Variants in CFAP299 observed in about 807,000 individuals in gnomAD.
CFAP299 encodes cilia- and flagella-associated protein 299.
In CFAP299, 21 loss-of-function variants were observed where a neutral mutation model predicts 27.0. The ratio of observed to expected loss-of-function variants is 0.78; its 90% CI spans 0.55 to 1.12. CFAP299 has a LOEUF of 1.12. Ranked by LOEUF, CFAP299 falls within the 50% of genes most tolerant of loss-of-function variation. The probability of loss-of-function intolerance (pLI) is 0.00; values close to 1 mark genes in which losing one functional copy is unlikely to be tolerated. For missense variants in CFAP299, 310 were observed against 276.6 expected (o/e 1.12, Z -0.86); for synonymous variants, 104 against 98.1 (o/e 1.06, Z -0.36).
At chr4:80,625,044 A>G (rs1738812389) in intron 3 of CFAP299, among the ~76,000 whole-genome samples, 2 of 152,152 alleles carry the variant, frequency 1.3e-5, no homozygotes. Flanking sequence ...AAAACACCTG[A>G]AAGTATAAAA....
intron 3 of CFAP299, among the ~76,000 whole-genome samples, chr4:80,805,263 C>A (rs1295150495): frequency 5.9e-5 from 9 of 151,886 alleles, no homozygotes; most frequent in Admixed American, 1.3e-4. Flanking sequence ...AAAGTCACTT[C>A]TACAAATTTT....
At chr4:80,456,442 T>C (rs937385332) in intron 2 of CFAP299, among the ~76,000 whole-genome samples, 1 of 152,002 alleles carries the variant, frequency 6.6e-6, no homozygotes, top group African/African-American at 2.4e-5. Flanking sequence ...GAAGTTCTGC[T>C]TGGACTAGGA....
intron 3 of CFAP299, among the ~76,000 whole-genome samples, chr4:80,624,010 T>C (rs1333306128): frequency 6.6e-6 from 1 of 152,166 alleles, no homozygotes; most frequent in Non-Finnish European, 1.5e-5. Flanking sequence ...TATTGCATAT[T>C]TTCTCAGAAA....
chr4:80,843,844 T>C (rs1731007297), intron 3 of CFAP299, among the ~76,000 whole-genome samples: 2 of 152,144 alleles, frequency 1.3e-5, no homozygotes, highest in African/African-American at 4.8e-5. Context: ...ATGTGCCATG[T>C]TGGTGCGCCG....
At chr4:80,471,450 G>A (rs1167910909) in intron 2 of CFAP299, among the ~76,000 whole-genome samples, 1 of 150,886 alleles carries the variant, frequency 6.6e-6, no homozygotes, top group African/African-American at 2.4e-5. Flanking sequence ...AAAGTCTTTG[G>A]CAGGAAAGAT....
chr4:80,934,055 G>A (rs1479937971), intron 4 of CFAP299, among the ~76,000 whole-genome samples: 2 of 152,182 alleles, frequency 1.3e-5, no homozygotes, highest in South Asian at 4.1e-4. Flanking sequence ...TATGATGCTA[G>A]CTGTAGATTT....
intron 4 of CFAP299, among the ~76,000 whole-genome samples, chr4:80,935,964 C>T (rs1736867559): frequency 6.6e-6 from 1 of 152,082 alleles, no homozygotes; most frequent in East Asian, 1.9e-4. Flanking sequence ...TGAAGAAAAG[C>T]TCAACATCAC....
chr4:80,360,385 G>A (rs1031007861), intron 1 of CFAP299, among the ~76,000 whole-genome samples: 10 of 152,126 alleles, frequency 6.6e-5, no homozygotes, highest in African/African-American at 2.4e-4. Context: ...TACACGTCTA[G>A]GTGCCTTCTC....
chr4:80,752,497 T>G (rs903081018), intron 3 of CFAP299, among the ~76,000 whole-genome samples: 9 of 148,902 alleles, frequency 6.0e-5, no homozygotes, highest in Admixed American at 2.0e-4. Flanking sequence ...ATGATATGTA[T>G]TTTTCTTCCT....
rs575771861 is a variant in CFAP299 at position 80,892,804 on chromosome 4, C to T, written c.476+22669C>T. Among the ~76,000 whole-genome samples, 34 of 152,028 alleles carry T rather than the reference C, an allele frequency of 2.2e-4. No homozygotes were observed. In the South Asian group the frequency reaches 6.7e-3, roughly 30 times the overall value. On this transcript the variant is annotated intron_variant, in intron 4 of 5. Coordinates refer to ENST00000358105, the MANE Select transcript of CFAP299 (RefSeq NM_152770.3). ...TGGCGAAAAACCGAAAGCTTTTCCT[C>T]CAAGATAAGTATTAAGACAAGAATG...
At chr4:80,423,369 A>C (rs982465813) in intron 2 of CFAP299, among the ~76,000 whole-genome samples, 1 of 152,254 alleles carries the variant, frequency 6.6e-6, no homozygotes, top group Non-Finnish European at 1.5e-5. Context: ...AAATAAGTAA[A>C]GTATAATATA....
intron 3 of CFAP299, among the ~76,000 whole-genome samples, chr4:80,687,645 GCTGT>G (rs1182842333): frequency 6.6e-6 from 1 of 152,158 alleles, no homozygotes. Flanking sequence ...TCATCTGAAG[GCTGT>G]CTAAAACACA....
chr4:80,476,942 T>C (rs571971141), intron 2 of CFAP299, among the ~76,000 whole-genome samples: 8 of 136,352 alleles, frequency 5.9e-5, no homozygotes, highest in Non-Finnish European at 1.2e-4. Context: ...TGTGTGTGTG[T>C]GCGTGTGTGT....
chr4:80,431,486 C>T lies in CFAP299; in HGVS notation c.242+68602C>T, dbSNP rs183676313. On this transcript the variant is annotated intron_variant, in intron 2 of 5. Transcript: ENST00000358105. ...CCTCCCTCACTCCTTCCCTTCTTTCCGTTTCCTCCTCCTCCTCCTCCTGTT... is the reference window on the plus strand; with the variant it reads ...CCTCCCTCACTCCTTCCCTTCTTTCTGTTTCCTCCTCCTCCTCCTCCTGTT... Among the ~76,000 whole-genome samples the T allele has an allele frequency of 4.7e-3, 716 of 151,232 alleles. 3 individuals carry two copies. Among genetic ancestry groups the T allele is most frequent in the Middle Eastern group, 0.014 (4 of 292 alleles).
At chr4:80,646,933 T>A (rs546800988) in intron 3 of CFAP299, among the ~76,000 whole-genome samples, 1 of 152,066 alleles carries the variant, frequency 6.6e-6, no homozygotes, top group East Asian at 1.9e-4. Context: ...AAAAATATGT[T>A]TGAAACTAGG....
At chr4:80,721,566 T>A (rs974341836) in intron 3 of CFAP299, among the ~76,000 whole-genome samples, 3 of 152,156 alleles carry the variant, frequency 2.0e-5, no homozygotes, top group African/African-American at 7.2e-5. Context: ...AAGTACTCTA[T>A]CTCTAAATAC....
intron 2 of CFAP299, among the ~76,000 whole-genome samples, chr4:80,447,176 C>T (rs1201674723): frequency 7.5e-6 from 1 of 133,206 alleles, no homozygotes; most frequent in Non-Finnish European, 1.5e-5. Context: ...CGCTCTGTCA[C>T]CCAGGCTGGA....
intron 3 of CFAP299, among the ~76,000 whole-genome samples, chr4:80,867,793 C>T (rs1435603385): frequency 6.6e-6 from 1 of 152,176 alleles, no homozygotes; most frequent in South Asian, 2.1e-4. Context: ...AATACAGTCA[C>T]CTCTGTGGTA....
intron 2 of CFAP299, among the ~76,000 whole-genome samples, chr4:80,381,194 T>G (rs1578376519): frequency 1.3e-5 from 2 of 152,210 alleles, no homozygotes; most frequent in Non-Finnish European, 2.9e-5. Context: ...TAGCTCATTA[T>G]TTTTCTTTCA....
Sources: allele counts gnomAD v4.1 joint callset (sites outside exome capture counted in the v4.1 genomes callset), GRCh38; gene constraint gnomAD v4.1.1; transcripts MANE v1.5; gene names NCBI Gene and HGNC (gene_info 2026-07-23, HGNC 2026-07-21).